The following SLC35F4 variants were observed in gnomAD, a reference collection of about 807,000 sequenced individuals.
The protein encoded by SLC35F4 is solute carrier family 35 member F4.
SLC35F4 carries 24 observed loss-of-function variants against 44.2 expected under a neutral mutation model. The ratio of observed to expected loss-of-function variants is 0.54; its 90% CI spans 0.39 to 0.76. The LOEUF is 0.76. Among genes scored for constraint, SLC35F4 ranks in the 30% least tolerant of loss-of-function variants. The pLI, the probability that SLC35F4 is intolerant of heterozygous loss-of-function variation, is 0.00. For synonymous variants in SLC35F4, 238 were observed against 223.6 expected, an observed-to-expected ratio of 1.06 and a Z score of -0.57; for missense variants, 562 against 586.1, an observed-to-expected ratio of 0.96 and a Z score of 0.42.
intron 1 of SLC35F4, among the ~76,000 whole-genome samples, chr14:57,905,173 G>A (rs1889083215): frequency 6.6e-6 from 1 of 152,170 alleles, no homozygotes; most frequent in Admixed American, 6.5e-5. Context: ...CTGCTACGAA[G>A]GTGACTCACT....
intron 1 of SLC35F4, among the ~76,000 whole-genome samples, chr14:57,959,049 TAGGA>T (rs1890295850): frequency 6.6e-6 from 1 of 151,874 alleles, no homozygotes; most frequent in South Asian, 2.1e-4. Context: ...GGCACCAAAA[TAGGA>T]AGGACAAGGA....
At chr14:57,589,129 C>A in intron 3 of SLC35F4, 87 bp downstream of exon 3, 10 of 1,433,416 alleles carry the variant, frequency 7.0e-6, no homozygotes, top group Non-Finnish European at 9.4e-6. Flanking sequence ...CCAAAAAACT[C>A]AACTCATATT....
chr14:57,773,149 T>C (rs765045941), intron 1 of SLC35F4, among the ~76,000 whole-genome samples: 2 of 152,230 alleles, frequency 1.3e-5, no homozygotes, highest in African/African-American at 2.4e-5. Flanking sequence ...TTTTGAGAAA[T>C]GTCATTCATG....
rs1357024230 is a variant in SLC35F4, at chr14:57,594,048, T to G, written c.180A>C (p.Gln60His). 1 of 1,613,918 alleles carries G rather than the reference T, an allele frequency of 6.2e-7. No individual in the cohort carries two copies. The highest frequency in any genetic ancestry group is 8.5e-7 in the Non-Finnish European group (1 of 1,179,858). Residue 60 changes from glutamine (Q) to histidine (H), a missense_variant, in exon 2 of 8, where the codon CAA becomes CAC. Coordinates refer to ENST00000556826, the MANE Select transcript of SLC35F4 (RefSeq NM_001306087.2). ...CTTCGGTGACAGACAGTGGGGACAG[T>G]TGTCTACTGATGCCACTGTGTGAAC... ...CPSSHSGISR[Q>H]LSPLSVTEDS...
intron 1 of SLC35F4, among the ~76,000 whole-genome samples, chr14:57,731,610 T>C (rs757734270): frequency 6.6e-6 from 1 of 152,242 alleles, no homozygotes; most frequent in Non-Finnish European, 1.5e-5. Flanking sequence ...CCTGAGACTT[T>C]GTACCTGTCT....
chr14:57,890,920 T>C (rs373843502), intron 1 of SLC35F4, among the ~76,000 whole-genome samples: 8 of 152,154 alleles, frequency 5.3e-5, no homozygotes, highest in Admixed American at 3.3e-4. Context: ...ATAAGCAAGT[T>C]CTTTATAGCA....
At chr14:57,913,191 A>G (rs1467587773) in intron 1 of SLC35F4, among the ~76,000 whole-genome samples, 2 of 152,058 alleles carry the variant, frequency 1.3e-5, no homozygotes, top group Non-Finnish European at 2.9e-5. Context: ...AGACAACATA[A>G]AGATGGGTCT....
At chr14:57,655,814 T>C (rs902632495) in intron 1 of SLC35F4, among the ~76,000 whole-genome samples, 4 of 152,144 alleles carry the variant, frequency 2.6e-5, no homozygotes, top group African/African-American at 9.7e-5. Context: ...ACCAACAGTG[T>C]CATTTCTCAT....
At chr14:57,950,862 T>A (rs540788288) in intron 1 of SLC35F4, among the ~76,000 whole-genome samples, 253 of 152,230 alleles carry the variant, frequency 1.7e-3, no homozygotes, top group African/African-American at 5.8e-3. Context: ...AGATGGGGTT[T>A]CGCCATCTTG....
At chr14:57,595,694 C>T (rs1324715566) in intron 1 of SLC35F4, 1 of 152,140 alleles carries the variant, frequency 6.6e-6, no homozygotes, top group Non-Finnish European at 1.5e-5. Flanking sequence ...ATTATTCCAG[C>T]TTTGGCCATG....
At chr14:57,639,313 CCTT>C (rs2073133716) in intron 1 of SLC35F4, among the ~76,000 whole-genome samples, 2 of 152,074 alleles carry the variant, frequency 1.3e-5, no homozygotes, top group South Asian at 2.1e-4. Context: ...CACTTCTCAT[CCTT>C]CTTTTGTGAA....
chr14:57,755,187 C>T (rs1380425322), intron 1 of SLC35F4, among the ~76,000 whole-genome samples: 1 of 152,186 alleles, frequency 6.6e-6, no homozygotes, highest in East Asian at 1.9e-4. Context: ...ACCCTGGACC[C>T]ACCACAGGGC....
chr14:57,943,117 A>G (rs1205250328), intron 1 of SLC35F4, among the ~76,000 whole-genome samples: 3 of 152,146 alleles, frequency 2.0e-5, no homozygotes, highest in Non-Finnish European at 4.4e-5. Flanking sequence ...ATAACTGGAG[A>G]GTTTTGCTGA....
intron 1 of SLC35F4, among the ~76,000 whole-genome samples, chr14:57,673,788 C>A (rs939944882): frequency 5.3e-5 from 8 of 151,932 alleles, no homozygotes; most frequent in African/African-American, 1.9e-4. Flanking sequence ...TCACAGTGAA[C>A]AATAACCATA....
At chr14:57,874,168 A>G (rs1019424747) in intron 1 of SLC35F4, among the ~76,000 whole-genome samples, 2 of 152,064 alleles carry the variant, frequency 1.3e-5, no homozygotes, top group African/African-American at 2.4e-5. Context: ...CTCCTCCCTC[A>G]GCTGTTTCAA....
At chr14:57,647,650 T>C (rs1030566116) in intron 1 of SLC35F4, among the ~76,000 whole-genome samples, 1 of 152,174 alleles carries the variant, frequency 6.6e-6, no homozygotes, top group African/African-American at 2.4e-5. Flanking sequence ...TTGAAAAATA[T>C]TCTTCGCATG....
intron 1 of SLC35F4, among the ~76,000 whole-genome samples, chr14:57,908,000 T>C (rs976958004): frequency 6.6e-6 from 1 of 152,114 alleles, no homozygotes; most frequent in Non-Finnish European, 1.5e-5. Context: ...TGTTCATGTG[T>C]TCTCATTGTT....
intron 1 of SLC35F4, among the ~76,000 whole-genome samples, chr14:57,839,433 G>A (rs917105160): frequency 6.6e-6 from 1 of 152,162 alleles, no homozygotes; most frequent in African/African-American, 2.4e-5. Flanking sequence ...CCTTTGCAGA[G>A]ACATAGATGG....
At chr14:57,623,394 A>C (rs1259536692) in intron 1 of SLC35F4, among the ~76,000 whole-genome samples, 1 of 152,216 alleles carries the variant, frequency 6.6e-6, no homozygotes, top group Non-Finnish European at 1.5e-5. Flanking sequence ...TCAACATTAG[A>C]CAGATCAACG....
Sources: allele counts gnomAD v4.1 joint callset (sites outside exome capture counted in the v4.1 genomes callset), GRCh38; gene constraint gnomAD v4.1.1; transcripts MANE v1.5; gene names NCBI Gene and HGNC (gene_info 2026-07-23, HGNC 2026-07-21).